The following CADM2 variants were observed in gnomAD, a reference collection of about 807,000 sequenced individuals.
CADM2 encodes immunoglobulin superfamily member 4D.
Under a neutral mutation model 49.8 loss-of-function variants are expected in CADM2, and 12 were observed. That is an observed-to-expected ratio of 0.24 (90% CI 0.15 to 0.39). CADM2 has a LOEUF of 0.39. Ranked by LOEUF, CADM2 falls within the 10% of genes least tolerant of loss-of-function variation. The pLI is 1.00. For missense variants in CADM2, 378 were observed against 492.3 expected (o/e 0.77, Z 2.20); for synonymous variants, 214 against 175.4 (o/e 1.22, Z -1.74).
chr3:85,241,306 A>G lies in CADM2; in HGVS notation c.61+281638A>G, dbSNP rs541481136. 2.6e-5 allele frequency among the ~76,000 whole-genome samples: 4 copies of G among 151,690 alleles called. No homozygotes were observed. In the South Asian group the frequency reaches 8.3e-4, roughly 31 times the overall value. On this transcript the variant is annotated intron_variant, in intron 1 of 9. Coordinates refer to ENST00000383699, the MANE Select transcript of CADM2 (RefSeq NM_001167675.2). ...GATTATGATAGGACATTCATTGTAG[A>G]GAAAATATATGATAAGAGATTAATT...
At chr3:85,489,174 C>T (rs1483423394) in intron 1 of CADM2, among the ~76,000 whole-genome samples, 3 of 151,958 alleles carry the variant, frequency 2.0e-5, no homozygotes, top group Non-Finnish European at 2.9e-5. Flanking sequence ...ACTTCAAATC[C>T]TACATCATTT....
chr3:85,039,160 C>T lies in CADM2; in HGVS notation c.61+79492C>T, dbSNP rs1559629953. Among the ~76,000 whole-genome samples, 3 of 152,120 alleles carry T rather than the reference C, an allele frequency of 2.0e-5. No individual in the cohort carries two copies. The South Asian group carries it at 6.2e-4, about 32-fold the overall frequency. ...GGGATTAGAGGTACCCGCAACCACA[C>T]CCAGCTTATTTTGTGTTTTTAGCAG... On this transcript the variant is annotated intron_variant, in intron 1 of 9. Transcript: ENST00000383699.
chr3:86,037,258 C>G (rs1182260361), intron 8 of CADM2, among the ~76,000 whole-genome samples: 1 of 152,050 alleles, frequency 6.6e-6, no homozygotes, highest in Non-Finnish European at 1.5e-5. Flanking sequence ...TTTTGTTAAG[C>G]ACAAATGTGT....
intron 1 of CADM2, among the ~76,000 whole-genome samples, chr3:85,625,334 C>G (rs150579706): frequency 6.6e-6 from 1 of 151,798 alleles, no homozygotes; most frequent in Admixed American, 6.6e-5. Flanking sequence ...CCTTCTACTA[C>G]GTATGTTTTT....
intron 1 of CADM2, among the ~76,000 whole-genome samples, chr3:85,394,085 G>A (rs918522326): frequency 6.6e-6 from 1 of 152,100 alleles, no homozygotes; most frequent in East Asian, 1.9e-4. Context: ...GTAAGCCACC[G>A]CGCCTGGCCT....
intron 1 of CADM2, among the ~76,000 whole-genome samples, chr3:85,221,843 T>C (rs2042051037): frequency 6.6e-6 from 1 of 152,054 alleles, no homozygotes; most frequent in Admixed American, 6.6e-5. Context: ...TTGGGTAACA[T>C]GGTGAGTTGG....
chr3:85,548,150 C>T (rs545710806), intron 1 of CADM2, among the ~76,000 whole-genome samples: 4 of 80,812 alleles, frequency 4.9e-5, no homozygotes, highest in African/African-American at 1.2e-4. Flanking sequence ...CACTTCACAG[C>T]GTGCCAGGAT....
At chr3:85,594,571 T>C (rs992935362) in intron 1 of CADM2, among the ~76,000 whole-genome samples, 1 of 151,914 alleles carries the variant, frequency 6.6e-6, no homozygotes, top group African/African-American at 2.4e-5. Flanking sequence ...GTGAGTGTGT[T>C]ATCCAAGTAA....
At chr3:85,230,247 G>A (rs2042256439) in intron 1 of CADM2, among the ~76,000 whole-genome samples, 1 of 152,160 alleles carries the variant, frequency 6.6e-6, no homozygotes, top group Non-Finnish European at 1.5e-5. Flanking sequence ...CTTAAATACT[G>A]TAACTTTATT....
At chr3:86,047,575 C>T (rs1310180136) in intron 8 of CADM2, among the ~76,000 whole-genome samples, 2 of 152,078 alleles carry the variant, frequency 1.3e-5, no homozygotes, top group African/African-American at 4.8e-5. Flanking sequence ...CTTTGTGCCT[C>T]AAGAAAGTGA....
intron 1 of CADM2, among the ~76,000 whole-genome samples, chr3:85,112,630 A>G (rs971466109): frequency 1.3e-5 from 2 of 151,860 alleles, no homozygotes; most frequent in African/African-American, 4.8e-5. Context: ...TATATAAAAT[A>G]CTTTATTTCT....
intron 6 of CADM2, among the ~76,000 whole-genome samples, chr3:85,917,488 C>A (rs1718513301): frequency 6.6e-6 from 1 of 152,058 alleles, no homozygotes. Flanking sequence ...AGATATGCAG[C>A]ATTATTTCTG....
At chr3:85,991,950 C>CT (rs1345468362) in intron 8 of CADM2, among the ~76,000 whole-genome samples, 1 of 151,794 alleles carries the variant, frequency 6.6e-6, no homozygotes, top group African/African-American at 2.4e-5. Context: ...TACACTAAAA[C>CT]TTTTTCAGTA....
chr3:85,886,423 G>T, intron 5 of CADM2, 96 bp downstream of exon 5: 1 of 877,594 alleles, frequency 1.1e-6, no homozygotes, highest in Non-Finnish European at 1.8e-6. Context: ...AAAACATAGT[G>T]TCTCTTACAG....
chr3:85,031,838 T>A (rs951365564), intron 1 of CADM2, among the ~76,000 whole-genome samples: 6 of 152,160 alleles, frequency 3.9e-5, no homozygotes, highest in African/African-American at 1.4e-4. Context: ...TCTTTTCTAA[T>A]ATTGTTTTAT....
chr3:85,873,597 C>A (rs1352573483), intron 3 of CADM2, among the ~76,000 whole-genome samples: 1 of 152,026 alleles, frequency 6.6e-6, no homozygotes, highest in African/African-American at 2.4e-5. Context: ...ACCAGGGAGG[C>A]AGAGGTTGCA....
intron 1 of CADM2, among the ~76,000 whole-genome samples, chr3:85,617,432 C>T (rs2063830079): frequency 6.6e-6 from 1 of 152,152 alleles, no homozygotes. Context: ...GAGCTCCTGT[C>T]CCTATGGGGT....
intron 5 of CADM2, among the ~76,000 whole-genome samples, chr3:85,898,937 G>GTATACATATATATATATATA (rs1715659975): frequency 2.1e-5 from 1 of 46,680 alleles, no homozygotes; most frequent in Non-Finnish European, 3.4e-5. Context: ...CATTTATTGT[G>GTATACATATATATATATATA]TATATATATA....
intron 1 of CADM2, among the ~76,000 whole-genome samples, chr3:84,986,033 A>G (rs962242870): frequency 1.3e-5 from 2 of 152,210 alleles, no homozygotes; most frequent in Non-Finnish European, 2.9e-5. Flanking sequence ...TCATCAGACA[A>G]CTACCATTAC....
Sources: gnomAD v4.1 joint callset for allele counts (sites outside exome capture counted in the v4.1 genomes callset) on GRCh38, gnomAD v4.1.1 for gene constraint, MANE v1.5 for transcripts, NCBI Gene and HGNC (gene_info 2026-07-23, HGNC 2026-07-21) for gene names.